Variants in MMP26 observed in about 807,000 individuals in gnomAD.
MMP26 encodes matrix metallopeptidase 26.
In MMP26, 33 loss-of-function variants were observed where a neutral mutation model predicts 31.0. The observed-to-expected ratio is 1.06, with a 90% confidence interval of 0.81 to 1.42. The LOEUF is 1.42. Among genes scored for constraint, MMP26 ranks in the 40% most tolerant of loss-of-function variants. MMP26 has a pLI of 0.00. For synonymous variants in MMP26, 122 were observed against 114.9 expected (o/e 1.06, Z -0.40); for missense variants, 347 against 316.1 (o/e 1.10, Z -0.74).
chr11:4,728,666 A>C (rs1848134513), intron 1 of MMP26, among the ~76,000 whole-genome samples: 1 of 152,210 alleles, frequency 6.6e-6, no homozygotes, highest in African/African-American at 2.4e-5. Context: ...GATCTAAGGC[A>C]AAATATTGCC....
chr11:4,884,509 C>T lies in MMP26; in HGVS notation c.-144-103559C>T, dbSNP rs149485334. ...GCCAAAGATATATCTAGTTTCTAGA[C>T]ATCTGACGCCATACAATTTCCCTTA... On this transcript the variant is annotated intron_variant, in intron 2 of 7. Transcript: ENST00000380390. 4.0e-4 allele frequency among the ~76,000 whole-genome samples: 61 copies of T among 152,234 alleles called. 1 individual carries two copies. The highest frequency in any genetic ancestry group is 3.7e-3 in the Admixed American group (56 of 15,266).
intron 2 of MMP26, among the ~76,000 whole-genome samples, chr11:4,930,773 C>A (rs1303722015): frequency 6.6e-6 from 1 of 151,858 alleles, no homozygotes; most frequent in Non-Finnish European, 1.5e-5. Flanking sequence ...TTTTTATACT[C>A]AAAAATAGTT....
At chr11:4,867,121 G>T (rs1356520223) in intron 2 of MMP26, among the ~76,000 whole-genome samples, 1 of 152,004 alleles carries the variant, frequency 6.6e-6, no homozygotes. Flanking sequence ...CACAGCAAAA[G>T]AAACTATCAA....
chr11:4,775,035 A>T (rs954444974), intron 2 of MMP26, among the ~76,000 whole-genome samples: 1 of 152,042 alleles, frequency 6.6e-6, no homozygotes, highest in African/African-American at 2.4e-5. Flanking sequence ...TTGCAGCCTT[A>T]TAGTAAAGTT....
At chr11:4,817,084 A>G (rs2133467431) in intron 2 of MMP26, among the ~76,000 whole-genome samples, 1 of 150,716 alleles carries the variant, frequency 6.6e-6, no homozygotes, top group Non-Finnish European at 1.5e-5. Context: ...ATTTAATTAT[A>G]TTTTAATAAT....
At position 4,779,167 on chromosome 11, in the gene MMP26, CA is replaced by C. The variant is rs545368201; in HGVS notation, c.-145+11827del. Among the ~76,000 whole-genome samples the C allele has an allele frequency of 1.8e-4, 27 of 152,084 alleles. No homozygotes were observed. In the South Asian group the frequency reaches 5.4e-3, roughly 30 times the overall value. The stretch of plus-strand genomic sequence containing the variant: ...GTTAAGTAGAAGTGGTGATGTTAGG[CA>C]TCATTATCCTGTGACCAAATGCATA... On this transcript the variant is annotated intron_variant, in intron 2 of 7. Coordinates refer to ENST00000380390, the MANE Select transcript of MMP26 (RefSeq NM_021801.5).
At chr11:4,746,059 A>G (rs1383378553) in intron 1 of MMP26, among the ~76,000 whole-genome samples, 1 of 152,236 alleles carries the variant, frequency 6.6e-6, no homozygotes, top group African/African-American at 2.4e-5. Flanking sequence ...TATTCAGACT[A>G]TGGATTAACC....
At chr11:4,812,480 G>A (rs1487276092) in intron 2 of MMP26, among the ~76,000 whole-genome samples, 1 of 152,072 alleles carries the variant, frequency 6.6e-6, no homozygotes, top group African/African-American at 2.4e-5. Context: ...AGAGGATTTT[G>A]AGGGCTTCAA....
At chr11:4,896,028 C>A (rs1325911303) in intron 2 of MMP26, among the ~76,000 whole-genome samples, 11 of 151,664 alleles carry the variant, frequency 7.3e-5, no homozygotes, top group Non-Finnish European at 1.5e-4. Context: ...AAGCTTCCTG[C>A]ACTTCCCATT....
At chr11:4,803,855 C>G (rs937387029) in intron 2 of MMP26, 11 of 1,612,556 alleles carry the variant, frequency 6.8e-6, no homozygotes, top group Non-Finnish European at 9.3e-6. Context: ...TGGGGAATGG[C>G]TTGGTGTTGG....
intron 2 of MMP26, chr11:4,849,284 C>T: frequency 2.7e-6 from 4 of 1,494,276 alleles, no homozygotes; most frequent in Non-Finnish European, 3.6e-6. Flanking sequence ...GCCAAATTTG[C>T]ATGAAACGTT....
At position 4,953,949 on chromosome 11, in the gene MMP26, G is replaced by A. The variant is rs1018699359; in HGVS notation, c.-144-34119G>A. Among the ~76,000 whole-genome samples the A allele has an allele frequency of 1.6e-5, 2 of 125,642 alleles. 1 individual carries two copies. The highest frequency in any genetic ancestry group is 1.8e-4 in the Admixed American group (2 of 11,366). 82.4% of individuals were successfully genotyped at this position (125,642 alleles called of 152,430 possible). On this transcript the variant is annotated intron_variant, in intron 2 of 7. Coordinates refer to ENST00000380390, the MANE Select transcript of MMP26 (RefSeq NM_021801.5). ...CGCCTGTAATCCTAGATACTCGGGA[G>A]GCTGAGAGGCAAGAGAATCGCTTGA...
Position 4,946,771 on chromosome 11 carries a change from T to C in MMP26, c.-144-41297T>C, listed in dbSNP as rs1457289737. 1.8e-5 allele frequency: 28 copies of C among 1,587,460 alleles called. 2 individuals are homozygous for C. Among genetic ancestry groups the C allele is most frequent in the Non-Finnish European group, 2.2e-5 (26 of 1,160,660 alleles). ...TCAGGAGGACTGAGGACTCCAGTACTGAGAATCCATGAATGAAGAATTCCT... is the reference window on the plus strand; with the variant it reads ...TCAGGAGGACTGAGGACTCCAGTACCGAGAATCCATGAATGAAGAATTCCT... On this transcript the variant is annotated intron_variant, in intron 2 of 7. Coordinates refer to ENST00000380390, the MANE Select transcript of MMP26 (RefSeq NM_021801.5).
intron 2 of MMP26, chr11:4,830,142 C>G (rs1156512775): frequency 6.6e-6 from 1 of 152,178 alleles, no homozygotes; most frequent in Admixed American, 6.6e-5. Flanking sequence ...AACAAAGGTG[C>G]AGATTCCCAA....
chr11:4,789,760 T>C (rs1246142625), intron 2 of MMP26, among the ~76,000 whole-genome samples: 1 of 151,662 alleles, frequency 6.6e-6, no homozygotes, highest in Non-Finnish European at 1.5e-5. Context: ...CAGGATGGTG[T>C]CGATCTCCTG....
intron 2 of MMP26, among the ~76,000 whole-genome samples, chr11:4,892,614 T>G (rs1850641202): frequency 1.3e-5 from 2 of 152,212 alleles, no homozygotes; most frequent in Admixed American, 1.3e-4. Flanking sequence ...TTAAACTGAA[T>G]TGATTTCCAT....
chr11:4,749,185 C>T (rs2133299210), intron 1 of MMP26, among the ~76,000 whole-genome samples: 2 of 152,068 alleles, frequency 1.3e-5, no homozygotes, highest in East Asian at 3.9e-4. Flanking sequence ...AACTCAACCT[C>T]ATTTATAATA....
intron 1 of MMP26, chr11:4,723,482 G>T: frequency 9.0e-7 from 1 of 1,106,942 alleles, no homozygotes; most frequent in Non-Finnish European, 1.4e-6. Context: ...TGGGACTGCA[G>T]CTCTGGGATC....
chr11:4,783,083 C>G (rs769963817), intron 2 of MMP26, among the ~76,000 whole-genome samples: 2 of 152,236 alleles, frequency 1.3e-5, no homozygotes, highest in Non-Finnish European at 2.9e-5. Flanking sequence ...GGGGCACCAC[C>G]TAGTGGAGCT....
Sources: allele counts gnomAD v4.1 joint callset (sites outside exome capture counted in the v4.1 genomes callset), GRCh38; gene constraint gnomAD v4.1.1; transcripts MANE v1.5; gene names NCBI Gene and HGNC (gene_info 2026-07-23, HGNC 2026-07-21).